The following PLCXD3 variants were observed in gnomAD, a reference collection of about 807,000 sequenced individuals.
The protein encoded by PLCXD3 is PI-PLC X domain-containing protein 3.
PLCXD3 carries 19 observed loss-of-function variants against 25.5 expected under a neutral mutation model. That is an observed-to-expected ratio of 0.75 (90% CI 0.52 to 1.09). The LOEUF is 1.09. PLCXD3 is among the 50% of genes least tolerant of loss of function. The probability of loss-of-function intolerance (pLI) is 0.00; values close to 1 mark genes in which losing one functional copy is unlikely to be tolerated. For missense variants in PLCXD3, 411 were observed against 388.1 expected (o/e 1.06, Z -0.50); for synonymous variants, 174 against 137.6 (o/e 1.26, Z -1.85).
chr5:41,396,363 T>C (rs1243740222), intron 1 of PLCXD3, among the ~76,000 whole-genome samples: 1 of 152,130 alleles, frequency 6.6e-6, no homozygotes, highest in Non-Finnish European at 1.5e-5. Context: ...TGGTAAGACA[T>C]GCTTGATTCC....
chr5:41,410,230 C>G (rs1300914482), intron 1 of PLCXD3, among the ~76,000 whole-genome samples: 1 of 151,676 alleles, frequency 6.6e-6, no homozygotes, highest in Non-Finnish European at 1.5e-5. Flanking sequence ...GCCTCCGCCT[C>G]CTGGGTTCAA....
At chr5:41,438,483 GT>G (rs1472539681) in intron 1 of PLCXD3, among the ~76,000 whole-genome samples, 1 of 152,182 alleles carries the variant, frequency 6.6e-6, no homozygotes, top group Non-Finnish European at 1.5e-5. Context: ...ACCAGGGGAA[GT>G]TTGCCCCATT....
chr5:41,454,708 C>T (rs991775786), intron 1 of PLCXD3, among the ~76,000 whole-genome samples: 2 of 151,874 alleles, frequency 1.3e-5, no homozygotes, highest in Non-Finnish European at 2.9e-5. Flanking sequence ...TATGTATCCA[C>T]AAGCCAAGGA....
chr5:41,471,427 G>T (rs192237684), intron 1 of PLCXD3, among the ~76,000 whole-genome samples: 72 of 152,216 alleles, frequency 4.7e-4, no homozygotes, highest in Non-Finnish European at 9.1e-4. Flanking sequence ...AGCAAAACTC[G>T]GTTTCCCTCA....
chr5:41,456,765 AAGACAGCCATCTATCAAAC>A (rs1384304429), intron 1 of PLCXD3, among the ~76,000 whole-genome samples: 1 of 151,858 alleles, frequency 6.6e-6, no homozygotes, highest in Non-Finnish European at 1.5e-5. Flanking sequence ...ACATAGCAAA[AAGACAGCCATCTATCAAAC>A]AGGAAGCAGC....
At chr5:41,325,104 AGAG>A (rs1743588505) in intron 2 of PLCXD3, among the ~76,000 whole-genome samples, 1 of 152,226 alleles carries the variant, frequency 6.6e-6, no homozygotes, top group Admixed American at 6.5e-5. Flanking sequence ...GGAGAACACA[AGAG>A]TGTTCTTTTT....
intron 1 of PLCXD3, among the ~76,000 whole-genome samples, chr5:41,497,214 T>A (rs956466236): frequency 6.6e-6 from 1 of 151,840 alleles, no homozygotes; most frequent in East Asian, 1.9e-4. Context: ...AGTAAGTCTT[T>A]TACTATACAA....
intron 2 of PLCXD3, among the ~76,000 whole-genome samples, chr5:41,314,368 T>A (rs1254331086): frequency 3.3e-5 from 5 of 152,158 alleles, no homozygotes; most frequent in Non-Finnish European, 7.4e-5. Context: ...AGGATTCAAG[T>A]GAACAAAACA....
intron 1 of PLCXD3, among the ~76,000 whole-genome samples, chr5:41,503,658 C>A: frequency 6.6e-6 from 1 of 152,214 alleles, no homozygotes; most frequent in Non-Finnish European, 1.5e-5. Context: ...CCACCTGAAC[C>A]ATGATTAAAT....
intron 1 of PLCXD3, among the ~76,000 whole-genome samples, chr5:41,445,366 T>C (rs962739242): frequency 6.6e-6 from 1 of 152,242 alleles, no homozygotes; most frequent in African/African-American, 2.4e-5. Context: ...CTGATTAGGA[T>C]GTACTTATTG....
At chr5:41,399,264 A>G (rs76793780) in intron 1 of PLCXD3, among the ~76,000 whole-genome samples, 16,493 of 152,240 alleles carry the variant, frequency 0.11, 1,077 homozygotes, top group Admixed American at 0.17. Context: ...AAATACCCAT[A>G]TTACCAAAAG....
chr5:41,438,962 G>A (rs1022610202), intron 1 of PLCXD3, among the ~76,000 whole-genome samples: 2 of 152,152 alleles, frequency 1.3e-5, no homozygotes, highest in Non-Finnish European at 2.9e-5. Context: ...CATTTATCAA[G>A]GTGAATTTCA....
chr5:41,315,384 AG>A (rs1335727797), intron 2 of PLCXD3, among the ~76,000 whole-genome samples: 5 of 152,080 alleles, frequency 3.3e-5, no homozygotes, highest in African/African-American at 1.2e-4. Flanking sequence ...TGTATAAAAA[AG>A]GTAAGGTAGT....
At chr5:41,452,499 C>T (rs766423440) in intron 1 of PLCXD3, among the ~76,000 whole-genome samples, 9 of 151,906 alleles carry the variant, frequency 5.9e-5, no homozygotes, top group African/African-American at 1.5e-4. Flanking sequence ...GACCTATGTG[C>T]GTGCTGTTAA....
At chr5:41,315,109 C>A (rs529677707) in intron 2 of PLCXD3, among the ~76,000 whole-genome samples, 1 of 152,060 alleles carries the variant, frequency 6.6e-6, no homozygotes, top group Non-Finnish European at 1.5e-5. Flanking sequence ...GCAATGGATC[C>A]AGGCAGACAG....
chr5:41,478,481 A>G (rs575403560), intron 1 of PLCXD3, among the ~76,000 whole-genome samples: 16 of 152,192 alleles, frequency 1.1e-4, no homozygotes, highest in African/African-American at 3.9e-4. Flanking sequence ...ATTATCTAAA[A>G]CATCATTAAT....
In PLCXD3 at chr5:41,397,422, T is replaced by A. The variant is rs548011477; in HGVS notation, c.104-14888A>T. Among the ~76,000 whole-genome samples, 43 of 151,974 alleles carry A rather than the reference T, an allele frequency of 2.8e-4. No individual in the cohort carries two copies. In the South Asian group the frequency reaches 8.5e-3, roughly 30 times the overall value. On this transcript the variant is annotated intron_variant, in intron 1 of 2. Coordinates refer to ENST00000377801, the MANE Select transcript of PLCXD3 (RefSeq NM_001005473.3). ...CCTTCAGGTGCACAGGAGGCGAGAG[T>A]TGAGGTTTGGAAGCCTCTGCCTAGA...
chr5:41,312,004 A>T lies in PLCXD3; in HGVS notation c.*1613T>A, dbSNP rs1743145600. On this transcript the variant is annotated 3_prime_UTR_variant, in exon 3 of 3. Transcript: ENST00000377801. The stretch of plus-strand genomic sequence containing the variant: ...AAACATGAAAATAAAATAATTAATA[A>T]TTGTAAGAATTTCATCAAATTTTAT... 1 of 152,584 alleles carries T rather than the reference A, an allele frequency of 6.6e-6. No individual in the cohort carries two copies. The highest frequency in any genetic ancestry group is 2.4e-5 in the African/African-American group (1 of 41,438). The allele number at this position is 152,584 out of a possible 1,614,324, so 9.5% of individuals were successfully genotyped here.
At chr5:41,471,714 G>C (rs1490238469) in intron 1 of PLCXD3, among the ~76,000 whole-genome samples, 1 of 151,948 alleles carries the variant, frequency 6.6e-6, no homozygotes, top group African/African-American at 2.4e-5. Flanking sequence ...GTAAACTACT[G>C]TCATCTTACA....
Sources: allele counts gnomAD v4.1 joint callset (sites outside exome capture counted in the v4.1 genomes callset), GRCh38; gene constraint gnomAD v4.1.1; transcripts MANE v1.5; gene names NCBI Gene and HGNC (gene_info 2026-07-23, HGNC 2026-07-21).